The following CCDC30 variants were observed in gnomAD, a reference collection of about 807,000 sequenced individuals.
CCDC30 encodes the protein coiled-coil domain containing 30.
A neutral mutation model predicts 100.2 loss-of-function variants in CCDC30; 70 were observed. That is an observed-to-expected ratio of 0.70 (90% CI 0.58 to 0.85). CCDC30 has a LOEUF of 0.85. Ranked by LOEUF, CCDC30 falls within the 40% of genes least tolerant of loss-of-function variation. The pLI, the probability that CCDC30 is intolerant of heterozygous loss-of-function variation, is 0.00. For missense variants in CCDC30, 652 were observed against 771.2 expected, an observed-to-expected ratio of 0.85 and a Z score of 1.83; for synonymous variants, 233 against 269.5, an observed-to-expected ratio of 0.86 and a Z score of 1.33.
At position 42,578,657 on chromosome 1, in the gene CCDC30, T is replaced by G. The variant is rs139782128; in HGVS notation, c.846+1428T>G. On this transcript the variant is annotated intron_variant, in intron 8 of 16. Coordinates refer to ENST00000668663, the Ensembl canonical transcript of CCDC30. ...ATATATTAACTTCACTTGGAAGAGTTAACTAGTATAAATGTTTTAAAGATG... is the reference window on the plus strand; with the variant it reads ...ATATATTAACTTCACTTGGAAGAGTGAACTAGTATAAATGTTTTAAAGATG... 6.8e-3 allele frequency among the ~76,000 whole-genome samples: 1,042 copies of G among 152,298 alleles called. 8 individuals are homozygous for G. Among genetic ancestry groups the G allele is most frequent in the African/African-American group, 0.023 (971 of 41,556 alleles).
intron 7 of CCDC30, among the ~76,000 whole-genome samples, chr1:42,572,943 T>C (rs986334704): frequency 2.0e-5 from 3 of 152,234 alleles, no homozygotes; most frequent in African/African-American, 4.8e-5. Context: ...CTGAGATCCC[T>C]ATTCTGTTCC....
At chr1:42,637,778 T>G (rs1234555653) in intron 12 of CCDC30, among the ~76,000 whole-genome samples, 1 of 152,220 alleles carries the variant, frequency 6.6e-6, no homozygotes, top group Non-Finnish European at 1.5e-5. Context: ...CCTTACTCCT[T>G]TATCAGTCCT....
chr1:42,614,460 T>A (rs534342383), intron 11 of CCDC30, among the ~76,000 whole-genome samples: 1 of 152,032 alleles, frequency 6.6e-6, no homozygotes. Context: ...TTTTGACAAA[T>A]GTTTGTGCCC....
intron 1 of CCDC30, chr1:42,467,923 C>G (rs1360947784): frequency 6.6e-6 from 1 of 152,236 alleles, no homozygotes; most frequent in African/African-American, 2.4e-5. Flanking sequence ...TAGTTCTTTT[C>G]AGCCTTGCTG....
intron 3 of CCDC30, among the ~76,000 whole-genome samples, chr1:42,489,220 T>C (rs1644098391): frequency 6.6e-6 from 1 of 152,256 alleles, no homozygotes. Context: ...TACAGTTTAC[T>C]AGTTGTGTAA....
intron 15 of CCDC30, among the ~76,000 whole-genome samples, chr1:42,652,715 T>C (rs1191222164): frequency 6.6e-6 from 1 of 152,178 alleles, no homozygotes; most frequent in African/African-American, 2.4e-5. Context: ...ACATAAACTA[T>C]TGATACTTAC....
intron 4 of CCDC30, among the ~76,000 whole-genome samples, chr1:42,491,160 A>G (rs1374084400): frequency 6.6e-6 from 1 of 152,262 alleles, no homozygotes; most frequent in African/African-American, 2.4e-5. Flanking sequence ...AATTAATAGT[A>G]CAAGTAAACA....
intron 1 of CCDC30, chr1:42,473,199 A>T (rs1265518028): frequency 3.2e-6 from 4 of 1,231,216 alleles, no homozygotes; most frequent in South Asian, 4.1e-5. Flanking sequence ...CAGAAGAACA[A>T]CTCTGTTTGG....
intron 11 of CCDC30, among the ~76,000 whole-genome samples, chr1:42,611,739 C>T (rs974426144): frequency 2.6e-5 from 4 of 152,022 alleles, no homozygotes; most frequent in East Asian, 1.9e-4. Flanking sequence ...TGGAGTGTCA[C>T]GATCACAACT....
intron 6 of CCDC30, among the ~76,000 whole-genome samples, chr1:42,552,556 C>T (rs1443703888): frequency 6.6e-6 from 1 of 152,052 alleles, no homozygotes; most frequent in African/African-American, 2.4e-5. Context: ...AGCACCAATT[C>T]ATGGATTTTC....
At chr1:42,620,459 G>A (rs1646809182) in intron 11 of CCDC30, among the ~76,000 whole-genome samples, 1 of 152,018 alleles carries the variant, frequency 6.6e-6, no homozygotes, top group African/African-American at 2.4e-5. Context: ...ATTTGAGGAA[G>A]AGCTGCCTGC....
intron 6 of CCDC30, among the ~76,000 whole-genome samples, chr1:42,531,279 C>T (rs983486723): frequency 6.6e-6 from 1 of 152,124 alleles, no homozygotes; most frequent in Non-Finnish European, 1.5e-5. Context: ...CTGAGGCCTC[C>T]CCAGCCATGC....
chr1:42,613,308 G>A (rs1208670144), intron 11 of CCDC30, among the ~76,000 whole-genome samples: 1 of 152,172 alleles, frequency 6.6e-6, no homozygotes, highest in East Asian at 1.9e-4. Flanking sequence ...AGGCTGGAGT[G>A]CAGTGGCACG....
intron 6 of CCDC30, among the ~76,000 whole-genome samples, chr1:42,560,486 C>T (rs1365316392): frequency 6.6e-6 from 1 of 152,114 alleles, no homozygotes; most frequent in East Asian, 1.9e-4. Flanking sequence ...TCTCCTACCT[C>T]AGCCTCCCAA....
chr1:42,572,907 C>T (rs552928220), intron 7 of CCDC30, among the ~76,000 whole-genome samples: 6 of 152,308 alleles, frequency 3.9e-5, no homozygotes, highest in South Asian at 2.1e-4. Flanking sequence ...CGTGAGCCAC[C>T]GTGCCCAGCC....
Position 42,581,723 on chromosome 1 carries a change from G to A in CCDC30, c.1001+209G>A, listed in dbSNP as rs1266830633. ...TAGTTTACCTCTGGCGCTAGAGTGT[G>A]AGATTTTTAAAGGCAGAGATTATTT... On this transcript the variant is annotated intron_variant, in intron 9 of 16. Transcript: ENST00000668663. Among the ~76,000 whole-genome samples the A allele has an allele frequency of 2.0e-5, 3 of 152,146 alleles. 1 individual carries two copies. Among genetic ancestry groups the A allele is most frequent in the African/African-American group, 7.2e-5 (3 of 41,422 alleles).
chr1:42,481,130 C>T (rs1046207298), intron 2 of CCDC30, among the ~76,000 whole-genome samples: 2 of 150,250 alleles, frequency 1.3e-5, no homozygotes, highest in Non-Finnish European at 3.0e-5. Context: ...AAAAAAGAGT[C>T]ATGCTGTAAG....
chr1:42,545,948 T>TTAATAATAA lies in CCDC30; in HGVS notation c.457-20334_457-20326dup, dbSNP rs56842129. Among the ~76,000 whole-genome samples, 1,276 of 148,552 alleles carry TTAATAATAA rather than the reference T, an allele frequency of 8.6e-3. 17 individuals carry two copies. Among genetic ancestry groups the TTAATAATAA allele is most frequent in the African/African-American group, 0.023 (912 of 40,520 alleles). Reference sequence around the variant, plus strand: ...AACAGAGCTAGACCCTGTTTCAAAATTAATAATAATAATAATAATAATTTA... The same window carrying TTAATAATAA: ...AACAGAGCTAGACCCTGTTTCAAAATTAATAATAATAATAATAATAATAATAATAATTTA... On this transcript the variant is annotated intron_variant, in intron 6 of 16. Transcript: ENST00000668663.
At chr1:42,615,553 C>T (rs1362788951) in intron 11 of CCDC30, among the ~76,000 whole-genome samples, 5 of 152,108 alleles carry the variant, frequency 3.3e-5, no homozygotes, top group Admixed American at 6.5e-5. Flanking sequence ...CCCGCCTCAG[C>T]CTCCTGTAAT....
Sources: allele counts gnomAD v4.1 joint callset (sites outside exome capture counted in the v4.1 genomes callset), GRCh38; gene constraint gnomAD v4.1.1; transcripts MANE v1.5; gene names NCBI Gene and HGNC (gene_info 2026-07-23, HGNC 2026-07-21).